PTPRG: variants seen among roughly 807,000 people sequenced by gnomAD.
The protein encoded by PTPRG is receptor-type tyrosine-protein phosphatase gamma.
Under a neutral mutation model 165.3 loss-of-function variants are expected in PTPRG, and 102 were observed. That is an observed-to-expected ratio of 0.62 (90% CI 0.53 to 0.73). PTPRG has a LOEUF of 0.73. Ranked by LOEUF, PTPRG falls within the 30% of genes least tolerant of loss-of-function variation. The pLI, the probability that PTPRG is intolerant of heterozygous loss-of-function variation, is 0.00. For synonymous variants in PTPRG, 675 were observed against 669.5 expected (o/e 1.01, Z -0.13); for missense variants, 1,866 against 1,861.4 (o/e 1.00, Z -0.05).
At chr3:62,150,193 C>G (rs1466448919) in intron 6 of PTPRG, among the ~76,000 whole-genome samples, 1 of 152,112 alleles carries the variant, frequency 6.6e-6, no homozygotes, top group Non-Finnish European at 1.5e-5. Context: ...CCAAAGCAGC[C>G]GTGAATGGAG....
chr3:62,202,620 C>T (rs942475170), intron 11 of PTPRG, among the ~76,000 whole-genome samples: 15 of 152,232 alleles, frequency 9.9e-5, no homozygotes, highest in African/African-American at 3.6e-4. Flanking sequence ...CAGAGCATGG[C>T]TCCTGCCTCT....
chr3:62,033,425 G>A (rs926056355), intron 4 of PTPRG, among the ~76,000 whole-genome samples: 4 of 144,880 alleles, frequency 2.8e-5, no homozygotes, highest in African/African-American at 1.0e-4. Flanking sequence ...GTGCAGTAGT[G>A]CCATCATGGC....
chr3:62,200,614 G>A (rs1214111628), intron 10 of PTPRG, among the ~76,000 whole-genome samples: 5 of 152,034 alleles, frequency 3.3e-5, no homozygotes, highest in South Asian at 2.1e-4. Context: ...GTATTTTACC[G>A]TAATCTTAAA....
intron 1 of PTPRG, among the ~76,000 whole-genome samples, chr3:61,601,908 G>A (rs1440820412): frequency 6.6e-6 from 1 of 152,214 alleles, no homozygotes; most frequent in Non-Finnish European, 1.5e-5. Flanking sequence ...GTTAGGAGCA[G>A]AGGGAACATA....
At position 61,621,077 on chromosome 3, in the gene PTPRG, G is replaced by GTGTGTGTGTGTGTGTA. The variant is rs1553641517; in HGVS notation, c.85+58706_85+58707insGTGTGTGTGTGTGTAT. Among the ~76,000 whole-genome samples the GTGTGTGTGTGTGTGTA allele has an allele frequency of 3.4e-5, 5 of 145,014 alleles. No individual in the cohort carries two copies. The South Asian group carries it at 8.8e-4, about 26-fold the overall frequency. On this transcript the variant is annotated intron_variant, in intron 1 of 29. Transcript: ENST00000474889. ...TGTGTGTGTGTGTGTGTGTGTGTGT[G>GTGTGTGTGTGTGTGTA]TATATTTATTTATCTGTTATGTTCT... is the stretch of plus-strand genomic sequence containing the variant.
Position 61,910,933 on chromosome 3 carries a change from C to G in PTPRG, c.191-78692C>G, listed in dbSNP as rs538878255. On this transcript the variant is annotated intron_variant, in intron 2 of 29. Transcript: ENST00000474889. ...TTCAATTCTTGACTCTGGTTGTCCC[C>G]CATTCTTTATGTTCTGGCCACAGAA... Among the ~76,000 whole-genome samples, 14 of 152,290 alleles carry G rather than the reference C, an allele frequency of 9.2e-5. No individual in the cohort carries two copies. In the South Asian group the frequency reaches 2.9e-3, roughly 32 times the overall value.
intron 4 of PTPRG, among the ~76,000 whole-genome samples, chr3:62,071,722 G>A (rs1446218188): frequency 6.6e-6 from 1 of 152,158 alleles, no homozygotes; most frequent in Non-Finnish European, 1.5e-5. Context: ...TCTGAGATTT[G>A]AAAGACAATT....
chr3:62,225,273 A>G (rs943842767), intron 13 of PTPRG, among the ~76,000 whole-genome samples: 4 of 152,222 alleles, frequency 2.6e-5, no homozygotes, highest in Non-Finnish European at 4.4e-5. Context: ...ATTCCTGAAA[A>G]GACTTGGAGC....
intron 16 of PTPRG, chr3:62,261,835 T>C (rs1701708025): frequency 6.6e-6 from 1 of 152,206 alleles, no homozygotes; most frequent in African/African-American, 2.4e-5. Context: ...GTTTTCATTA[T>C]GTTTAATGTA....
At chr3:61,648,084 G>T (rs1261227362) in intron 1 of PTPRG, among the ~76,000 whole-genome samples, 2 of 152,170 alleles carry the variant, frequency 1.3e-5, no homozygotes, top group African/African-American at 2.4e-5. Context: ...GAGGCTTCAT[G>T]TTTGATTAAA....
intron 6 of PTPRG, among the ~76,000 whole-genome samples, chr3:62,151,809 T>C (rs1704346161): frequency 6.6e-6 from 1 of 152,126 alleles, no homozygotes; most frequent in African/African-American, 2.4e-5. Context: ...TGCCCTTTTA[T>C]AGCAAGACTT....
chr3:62,271,624 C>A lies in PTPRG; in HGVS notation c.3182+69C>A. 1 of 1,399,716 alleles carries A rather than the reference C, an allele frequency of 7.1e-7. No individual in the cohort carries two copies. Among genetic ancestry groups the A allele is most frequent in the Non-Finnish European group, 9.8e-7 (1 of 1,023,938 alleles). 86.7% of individuals were successfully genotyped at this position (1,399,716 alleles called of 1,614,324 possible). ...CTTAGGCCTCAGTGACCTTGGACCA[C>A]AATGATTGCTACTGCTTTCACTTAG... On this transcript the variant is annotated intron_variant, in intron 21 of 29. Transcript: ENST00000474889. The surrounding 1 kb of genome is among the most constrained non-coding windows in gnomAD (Gnocchi z 4.1).
At chr3:61,753,526 G>A (rs1575635330) in intron 2 of PTPRG, 3 of 429,744 alleles carry the variant, frequency 7.0e-6, no homozygotes, top group South Asian at 3.4e-5. Flanking sequence ...CATCAATGCA[G>A]GAAAGAGAAA....
At chr3:61,964,765 C>G (rs1285761825) in intron 2 of PTPRG, among the ~76,000 whole-genome samples, 1 of 152,072 alleles carries the variant, frequency 6.6e-6, no homozygotes, top group Non-Finnish European at 1.5e-5. Flanking sequence ...GCTTTGTTCT[C>G]TCTGCTTTTT....
chr3:61,979,773 A>T (rs1219854651), intron 2 of PTPRG, among the ~76,000 whole-genome samples: 1 of 152,164 alleles, frequency 6.6e-6, no homozygotes, highest in Non-Finnish European at 1.5e-5. Flanking sequence ...TTTAATAGTT[A>T]ATATATTTTG....
At chr3:61,740,851 G>A (rs1193756217) in intron 1 of PTPRG, among the ~76,000 whole-genome samples, 1 of 152,030 alleles carries the variant, frequency 6.6e-6, no homozygotes, top group Non-Finnish European at 1.5e-5. Flanking sequence ...GATAAAATAG[G>A]GAATCTAGTG....
intron 2 of PTPRG, among the ~76,000 whole-genome samples, chr3:61,813,157 G>A (rs926351180): frequency 8.6e-5 from 13 of 151,900 alleles, no homozygotes; most frequent in African/African-American, 3.1e-4. Flanking sequence ...GGTAGAGCAT[G>A]GGGTCTGAGG....
chr3:61,849,219 T>G (rs1427605312), intron 2 of PTPRG, among the ~76,000 whole-genome samples: 1 of 152,164 alleles, frequency 6.6e-6, no homozygotes, highest in East Asian at 1.9e-4. Context: ...TCTCCTAAAT[T>G]TGTACAGGAT....
At chr3:61,989,213 TG>T (rs2040829027) in intron 2 of PTPRG, among the ~76,000 whole-genome samples, 1 of 152,210 alleles carries the variant, frequency 6.6e-6, no homozygotes, top group African/African-American at 2.4e-5. Context: ...CAGTCTTTTA[TG>T]GGCTAAGAAG....
Sources: gnomAD v4.1 joint callset for allele counts (sites outside exome capture counted in the v4.1 genomes callset) on GRCh38, gnomAD v4.1.1 for gene constraint, Gnocchi (gnomAD v3.1) non-coding constraint, MANE v1.5 for transcripts, NCBI Gene and HGNC (gene_info 2026-07-23, HGNC 2026-07-21) for gene names.